Variants in TTC23L observed in about 807,000 individuals in gnomAD.
TTC23L encodes the protein tetratricopeptide repeat protein 23-like.
TTC23L carries 42 observed loss-of-function variants against 48.1 expected under a neutral mutation model. The ratio of observed to expected loss-of-function variants is 0.87; its 90% CI spans 0.68 to 1.13. The LOEUF (loss-of-function observed/expected upper bound fraction) is 1.13. TTC23L is among the 50% of genes most tolerant of loss of function. TTC23L has a pLI of 0.00. For synonymous variants in TTC23L, 159 were observed against 157.2 expected (o/e 1.01, Z -0.09); for missense variants, 391 against 421.0 (o/e 0.93, Z 0.62).
chr5:34,847,526 C>T (rs576781854), intron 3 of TTC23L, among the ~76,000 whole-genome samples: 1 of 151,678 alleles, frequency 6.6e-6, no homozygotes, highest in African/African-American at 2.4e-5. Flanking sequence ...GTACTCCTAG[C>T]CCTGAAGGGC....
At chr5:34,878,709 T>A (rs1276976500) in intron 8 of TTC23L, among the ~76,000 whole-genome samples, 1 of 152,146 alleles carries the variant, frequency 6.6e-6, no homozygotes, top group African/African-American at 2.4e-5. Flanking sequence ...TTGGTGAGGG[T>A]GCAGAGAAAA....
intron 4 of TTC23L, among the ~76,000 whole-genome samples, chr5:34,857,487 C>T (rs139178423): frequency 7.3e-4 from 111 of 152,198 alleles, no homozygotes; most frequent in Non-Finnish European, 1.3e-3. Context: ...ATGATAAAAA[C>T]CGGGTAATCT....
rs61751932 is a variant in TTC23L at position 34,840,735 on chromosome 5, C to T, written c.64C>T (p.His22Tyr). The change falls in exon 2 of 11, where the codon CAT becomes TAT. Residue 22 changes from histidine (H) to tyrosine (Y), a missense_variant. By Grantham distance (83) the His-to-Tyr change is moderately conservative. Transcript: ENST00000505624. Reference sequence around the variant, plus strand: ...TGACATCGACTGGGATTTCTGCTTCCATATGTAAGTATCACAGCATTTTGA... The same window carrying T: ...TGACATCGACTGGGATTTCTGCTTCTATATGTAAGTATCACAGCATTTTGA... The T allele has an allele frequency of 2.4e-3, 3,928 of 1,613,606 alleles. 83 individuals are homozygous for T. In the African/African-American group the frequency reaches 0.047, roughly 19 times the overall value.
chr5:34,908,081 A>G, the TTC23L span: 1 of 152,098 alleles, frequency 6.6e-6, no homozygotes, highest in African/African-American at 2.4e-5. Context: ...ATTCAAACTA[A>G]TAAGCAATGC....
chr5:34,847,473 T>G (rs1759302243), intron 3 of TTC23L, among the ~76,000 whole-genome samples: 1 of 110,702 alleles, frequency 9.0e-6, no homozygotes, highest in African/African-American at 4.0e-5. Flanking sequence ...TATAGCTCAA[T>G]AACGCTGTTT....
At chr5:34,915,155 A>G in the TTC23L span, among the ~76,000 whole-genome samples, 2 of 152,218 alleles carry the variant, frequency 1.3e-5, no homozygotes. Flanking sequence ...CCGTAAGAGG[A>G]CAATAACGTG....
At chr5:34,876,752 A>G (rs1242466355) in intron 8 of TTC23L, among the ~76,000 whole-genome samples, 1 of 152,016 alleles carries the variant, frequency 6.6e-6, no homozygotes, top group African/African-American at 2.4e-5. Flanking sequence ...TAATTCCAAA[A>G]TTAGACAAAG....
chr5:34,917,197 T>C, the TTC23L span, among the ~76,000 whole-genome samples: 2 of 152,064 alleles, frequency 1.3e-5, no homozygotes, highest in Non-Finnish European at 2.9e-5. Flanking sequence ...ATGTAAAAAA[T>C]AGAGCCAGAT....
rs1554016494 is a variant in TTC23L, at chr5:34,840,239, G to GGA, written c.-7-425_-7-424insAG. On this transcript the variant is annotated intron_variant, in intron 1 of 10. Transcript: ENST00000505624. ...GCTATTAATTAGTGAAATGACCCCG[G>GGA]GGGGGGGGGGGAAAGCAGAATTAAC... Among the ~76,000 whole-genome samples, 4 of 138,264 alleles carry GGA rather than the reference G, an allele frequency of 2.9e-5. 1 individual carries two copies. The highest frequency in any genetic ancestry group is 4.9e-4 in the South Asian group (2 of 4,044). The allele number at this position is 138,264 out of a possible 152,430, so 90.7% of individuals were successfully genotyped here. A position where few individuals can be genotyped will look rare whatever the true frequency, so the allele number is the denominator to read the frequency against.
chr5:34,905,826 T>C, the TTC23L span: 1 of 152,152 alleles, frequency 6.6e-6, no homozygotes, highest in Admixed American at 6.5e-5. Flanking sequence ...CCTGGGTCAA[T>C]TAGAACACAA....
At position 34,846,600 on chromosome 5, in the gene TTC23L, T is replaced by TATATATAC. The variant is rs61009546; in HGVS notation, c.255+928_255+929insTATATACA. 4.0e-3 allele frequency among the ~76,000 whole-genome samples: 374 copies of TATATATAC among 92,866 alleles called. 28 individuals are homozygous for TATATATAC. The highest frequency in any genetic ancestry group is 0.018 in the African/African-American group (346 of 19,176). 60.9% of individuals were successfully genotyped at this position (92,866 alleles called of 152,430 possible). ...AAATATATATATATATATATATATA[T>TATATATAC]ACACACACATATATATACACACACA... On this transcript the variant is annotated intron_variant, in intron 3 of 10. Transcript: ENST00000505624.
chr5:34,883,721 A>C (rs570276035), intron 9 of TTC23L, among the ~76,000 whole-genome samples: 5 of 152,358 alleles, frequency 3.3e-5, no homozygotes, highest in Admixed American at 3.3e-4. Context: ...AGACTGAATC[A>C]TGAAGAAATA....
chr5:34,898,953 C>T (rs1763397870), intron 10 of TTC23L, among the ~76,000 whole-genome samples: 1 of 152,176 alleles, frequency 6.6e-6, no homozygotes, highest in South Asian at 2.1e-4. Flanking sequence ...ACAGACATCT[C>T]AACGGCTAGA....
At chr5:34,893,699 AT>A (rs1763020612) in intron 9 of TTC23L, among the ~76,000 whole-genome samples, 1 of 152,136 alleles carries the variant, frequency 6.6e-6, no homozygotes, top group Admixed American at 6.6e-5. Context: ...TGAAATGTTA[AT>A]TATTGTAATT....
chr5:34,911,524 A>G, the TTC23L span: 1 of 1,610,112 alleles, frequency 6.2e-7, no homozygotes, highest in Admixed American at 1.7e-5. Flanking sequence ...TACAGACCAC[A>G]TTAACTATAA....
intron 6 of TTC23L, among the ~76,000 whole-genome samples, chr5:34,865,805 C>T (rs1468287241): frequency 6.6e-6 from 1 of 152,188 alleles, no homozygotes; most frequent in African/African-American, 2.4e-5. Context: ...GCTCAGCCTC[C>T]TCAGTAGCTG....
chr5:34,923,140 G>T, the TTC23L span: 18 of 1,612,962 alleles, frequency 1.1e-5, no homozygotes, highest in Non-Finnish European at 1.5e-5. Context: ...TAGATCTTTA[G>T]TACACCACGG....
intron 8 of TTC23L, among the ~76,000 whole-genome samples, chr5:34,876,964 T>C (rs554685865): frequency 6.6e-6 from 1 of 152,086 alleles, no homozygotes; most frequent in East Asian, 1.9e-4. Flanking sequence ...TCTGCACATG[T>C]ACCCCAGAAC....
chr5:34,913,389 G>T, the TTC23L span: 1 of 761,630 alleles, frequency 1.3e-6, no homozygotes, highest in Non-Finnish European at 2.0e-6. Context: ...CTGAACCAAT[G>T]TTTATGTTCC....
Sources: gnomAD v4.1 joint callset for allele counts (sites outside exome capture counted in the v4.1 genomes callset) on GRCh38, gnomAD v4.1.1 for gene constraint, MANE v1.5 for transcripts, NCBI Gene and HGNC (gene_info 2026-07-23, HGNC 2026-07-21) for gene names.